TLR6: variants seen among roughly 807,000 people sequenced by gnomAD.
TLR6 encodes toll like receptor 6, also known as toll-like receptor 6.
A neutral mutation model predicts 16.1 loss-of-function variants in TLR6; 9 were observed. That is an observed-to-expected ratio of 0.56 (90% CI 0.34 to 0.98). The LOEUF (loss-of-function observed/expected upper bound fraction) is 0.98. Ranked by LOEUF, TLR6 falls within the 50% of genes least tolerant of loss-of-function variation. The probability of loss-of-function intolerance (pLI) is 0.02; values close to 1 mark genes in which losing one functional copy is unlikely to be tolerated. For synonymous variants in TLR6, 340 were observed against 338.6 expected, an observed-to-expected ratio of 1.00 and a Z score of -0.04; for missense variants, 786 against 921.0, an observed-to-expected ratio of 0.85 and a Z score of 1.90.
chr4:38,849,374 C>T (rs574886193), intron 1 of TLR6, among the ~76,000 whole-genome samples: 6 of 152,276 alleles, frequency 3.9e-5, no homozygotes, highest in East Asian at 3.9e-4. Context: ...CATCAACTAA[C>T]GAGCAGAATA....
rs1727695844 is a variant in TLR6 at position 38,828,975 on chromosome 4, CAATTGGCAGCA to C, written c.488_498del (p.Leu163CysfsTer21). ...AGGATATAACTTAGATGCAAGTGAG[CAATTGGCAGCA>C]AATCTAATTTTTGCAGCTTCATAGC... is the stretch of plus-strand genomic sequence containing the variant. On this transcript the variant is annotated frameshift_variant, in exon 2 of 2. Coordinates refer to ENST00000436693, the Ensembl canonical transcript of TLR6. LOFTEE classifies it low-confidence loss of function (END_TRUNC). 1 of 1,613,668 alleles carries C rather than the reference CAATTGGCAGCA, an allele frequency of 6.2e-7. No homozygotes were observed. Among genetic ancestry groups the C allele is most frequent in the East Asian group, 2.2e-5 (1 of 44,866 alleles).
chr4:38,844,174 G>C (rs1017326753), intron 1 of TLR6, among the ~76,000 whole-genome samples: 1 of 152,172 alleles, frequency 6.6e-6, no homozygotes. Context: ...GGAGCACACC[G>C]CATTCTGAGA....
intron 1 of TLR6, among the ~76,000 whole-genome samples, chr4:38,839,301 AT>A (rs753999214): frequency 4.2e-4 from 64 of 151,366 alleles, no homozygotes; most frequent in African/African-American, 1.4e-3. Flanking sequence ...AAGTCTATTG[AT>A]TTTTTTTTAA....
the TLR6 span, chr4:38,867,612 G>C: frequency 6.6e-6 from 1 of 152,048 alleles, no homozygotes; most frequent in Admixed American, 6.5e-5. Context: ...CTGGCACAGG[G>C]GTGGGACAAG....
At chr4:38,853,320 G>A (rs1712843588) in intron 1 of TLR6, among the ~76,000 whole-genome samples, 1 of 151,364 alleles carries the variant, frequency 6.6e-6, no homozygotes, top group African/African-American at 2.4e-5. Context: ...CATGGCACAT[G>A]TATACATATA....
At chr4:38,858,819 GAGAGAGAGAGAGGA>G (rs1713111481), upstream of TLR6, among the ~76,000 whole-genome samples, 1 of 108,800 alleles carries the variant, frequency 9.2e-6, no homozygotes, top group Non-Finnish European at 1.8e-5. Context: ...GAGAGGGAGA[GAGAGAGAGAGAGGA>G]AGAAAGAAAG....
At chr4:38,853,859 G>A (rs1429358666) in intron 1 of TLR6, among the ~76,000 whole-genome samples, 1 of 152,146 alleles carries the variant, frequency 6.6e-6, no homozygotes, top group Non-Finnish European at 1.5e-5. Context: ...TAATTAAATA[G>A]TACTATGTAG....
the TLR6 span, among the ~76,000 whole-genome samples, chr4:38,862,435 C>T: frequency 2.6e-5 from 4 of 151,980 alleles, no homozygotes; most frequent in African/African-American, 9.6e-5. Flanking sequence ...TGTGTGCCAT[C>T]ACTCTCCGCT....
At chr4:38,833,925 C>G (rs1711760744) in intron 1 of TLR6, among the ~76,000 whole-genome samples, 1 of 151,924 alleles carries the variant, frequency 6.6e-6, no homozygotes, top group African/African-American at 2.4e-5. Context: ...TAATCAAGAG[C>G]TTGTACAAAC....
intron 1 of TLR6, among the ~76,000 whole-genome samples, chr4:38,840,900 C>A (rs1413059989): frequency 6.6e-6 from 1 of 152,086 alleles, no homozygotes; most frequent in Non-Finnish European, 1.5e-5. Flanking sequence ...GAGAACAGTG[C>A]CCTGAAAGAA....
downstream of TLR6, among the ~76,000 whole-genome samples, chr4:38,823,345 T>C (rs73144546): frequency 8.8e-4 from 134 of 152,346 alleles, 1 homozygote; most frequent in African/African-American, 3.0e-3. Flanking sequence ...CCTAGGTGTG[T>C]AGTAAGCTAT....
upstream of TLR6, among the ~76,000 whole-genome samples, chr4:38,859,478 T>C (rs868748928): frequency 3.9e-5 from 6 of 151,988 alleles, no homozygotes; most frequent in Non-Finnish European, 4.4e-5. Context: ...CATATGTTGA[T>C]AGAGGCATAT....
the TLR6 span, among the ~76,000 whole-genome samples, chr4:38,863,090 C>T: frequency 1.4e-4 from 22 of 152,276 alleles, no homozygotes; most frequent in South Asian, 4.1e-4. Flanking sequence ...CCTTCCCCAC[C>T]GGTCAGAAGA....
chr4:38,841,762 T>A (rs1257528098), intron 1 of TLR6, among the ~76,000 whole-genome samples: 2 of 152,242 alleles, frequency 1.3e-5, no homozygotes, highest in African/African-American at 4.8e-5. Flanking sequence ...ACAGTGTGGA[T>A]GGCAGCAGTT....
At chr4:38,831,623 C>T (rs1711588135) in intron 1 of TLR6, among the ~76,000 whole-genome samples, 1 of 152,158 alleles carries the variant, frequency 6.6e-6, no homozygotes, top group Admixed American at 6.5e-5. Flanking sequence ...ATGATAGGGA[C>T]TTGTATCCAA....
chr4:38,829,490 T>C (rs1385406057), exon 2 of TLR6: 8 of 1,514,704 alleles, frequency 5.3e-6, no homozygotes, highest in East Asian at 2.3e-5. Flanking sequence ...GCAGTGGCTA[T>C]CCTAAAGGGT....
chr4:38,824,638 CAG>C (rs1727462926), exon 2 of TLR6: 1 of 151,962 alleles, frequency 6.6e-6, no homozygotes, highest in African/African-American at 2.4e-5. Flanking sequence ...ATCTGTTCAA[CAG>C]GGGTTGTGGA....
intron 1 of TLR6, among the ~76,000 whole-genome samples, chr4:38,854,938 A>G (rs78559366): frequency 0.03 from 4,619 of 152,224 alleles, 200 homozygotes; most frequent in African/African-American, 0.083. Flanking sequence ...GGCCGGGCGC[A>G]GTGGCTCACG....
chr4:38,837,517 A>C (rs1711990547), intron 1 of TLR6, among the ~76,000 whole-genome samples: 1 of 152,204 alleles, frequency 6.6e-6, no homozygotes, highest in African/African-American at 2.4e-5. Flanking sequence ...CTTCATATTC[A>C]CTCATATGTA....
Sources: gnomAD v4.1 joint callset for allele counts (sites outside exome capture counted in the v4.1 genomes callset) on GRCh38, gnomAD v4.1.1 for gene constraint, MANE v1.5 for transcripts, NCBI Gene and HGNC (gene_info 2026-07-23, HGNC 2026-07-21) for gene names.